RB1: variants seen among roughly 807,000 people sequenced by gnomAD.
RB1 encodes RB transcriptional corepressor 1, also known as retinoblastoma-associated protein.
A neutral mutation model predicts 135.4 loss-of-function variants in RB1; 18 were observed. The observed-to-expected ratio is 0.13, with a 90% CI of 0.09 to 0.20. The LOEUF (loss-of-function observed/expected upper bound fraction) is 0.20, where lower values mean the gene tolerates loss of function less well. Ranked by LOEUF, RB1 falls within the 10% of genes least tolerant of loss-of-function variation. The pLI, the probability that RB1 is intolerant of heterozygous loss-of-function variation, is 1.00. For synonymous variants in RB1, 365 were observed against 373.2 expected, an observed-to-expected ratio of 0.98 and a Z score of 0.25; for missense variants, 868 against 1,110.0, an observed-to-expected ratio of 0.78 and a Z score of 3.10.
chr13:48,474,564 G>A (rs1482100353), intron 24 of RB1, among the ~76,000 whole-genome samples: 7 of 152,058 alleles, frequency 4.6e-5, no homozygotes, highest in African/African-American at 4.8e-5. Flanking sequence ...ATGTAAGCCC[G>A]ATATCCAAAT....
chr13:48,307,566 T>C (rs910033460), intron 2 of RB1, among the ~76,000 whole-genome samples, 160 bp downstream of exon 2: 1 of 151,966 alleles, frequency 6.6e-6, no homozygotes, highest in Non-Finnish European at 1.5e-5. Context: ...ACATTAAAAA[T>C]GTTTGAGGCC....
At chr13:48,452,470 A>G (rs971931583) in intron 17 of RB1, among the ~76,000 whole-genome samples, 1 of 151,908 alleles carries the variant, frequency 6.6e-6, no homozygotes, top group African/African-American at 2.4e-5. Flanking sequence ...ACGTTTTCCA[A>G]TTTATTGATA....
intron 11 of RB1, among the ~76,000 whole-genome samples, chr13:48,372,345 A>G (rs1433435121): frequency 1.3e-5 from 2 of 152,212 alleles, no homozygotes; most frequent in Non-Finnish European, 2.9e-5. Flanking sequence ...ACAGAAGCAT[A>G]TAGAAGCTGT....
chr13:48,309,279 A>G (rs1451736207), intron 2 of RB1, among the ~76,000 whole-genome samples: 4 of 152,222 alleles, frequency 2.6e-5, no homozygotes, highest in Admixed American at 2.0e-4. Flanking sequence ...TACTTTCTCA[A>G]CATAGTAGTA....
intron 8 of RB1, 104 bp downstream of exon 8, chr13:48,363,061 A>G: frequency 7.1e-7 from 1 of 1,404,184 alleles, no homozygotes; most frequent in Non-Finnish European, 9.8e-7. Context: ...TTTTTTTGTA[A>G]TTAGTGCTAA....
intron 2 of RB1, among the ~76,000 whole-genome samples, chr13:48,307,891 T>G (rs2138035646): frequency 6.6e-6 from 1 of 150,528 alleles, no homozygotes; most frequent in Middle Eastern, 3.4e-3. Flanking sequence ...AAAAAATTCC[T>G]CCATAAATGC....
rs576944879 is a variant in RB1, at chr13:48,445,895, G to A, written c.1696-7098G>A. ...CTAACATTTGAGGTAAAAAACATGG[G>A]GGAAAGGAGCAGATAACACATATTT... On this transcript the variant is annotated intron_variant, in intron 17 of 26. Transcript: ENST00000267163. Among the ~76,000 whole-genome samples, 8 of 152,222 alleles carry A rather than the reference G, an allele frequency of 5.3e-5. No individual in the cohort carries two copies. In the East Asian group the frequency reaches 1.5e-3, roughly 29 times the overall value.
rs930380524 is a variant in RB1, at chr13:48,400,634, TAA to T, written c.1695+19193_1695+19194del. Among the ~76,000 whole-genome samples the T allele has an allele frequency of 5.3e-5, 8 of 152,252 alleles. No individual in the cohort carries two copies. In the East Asian group the frequency reaches 1.3e-3, roughly 26 times the overall value. ...AACACTGCTATCCCTATTTTATAGA[TAA>T]AGAGACCTGAGGTCCAGAGATGTCA... On this transcript the variant is annotated intron_variant, in intron 17 of 26. Coordinates refer to ENST00000267163, the MANE Select transcript of RB1 (RefSeq NM_000321.3).
At chr13:48,328,024 G>A in intron 2 of RB1, 5 of 698,224 alleles carry the variant, frequency 7.2e-6, no homozygotes, top group Non-Finnish European at 1.3e-5. Flanking sequence ...CTTAAAAAAA[G>A]GAAACTGTTC....
chr13:48,340,943 C>T (rs1049551084), intron 2 of RB1: 3 of 152,248 alleles, frequency 2.0e-5, no homozygotes, highest in Non-Finnish European at 4.4e-5. Flanking sequence ...AATTTACATA[C>T]ACAAAATATG....
intron 2 of RB1, among the ~76,000 whole-genome samples, chr13:48,331,273 C>T (rs1952334182): frequency 6.6e-6 from 1 of 152,100 alleles, no homozygotes; most frequent in Admixed American, 6.5e-5. Context: ...GAAATCTAGC[C>T]AGAGATATTA....
intron 17 of RB1, among the ~76,000 whole-genome samples, chr13:48,436,017 T>C (rs1357585801): frequency 6.6e-6 from 1 of 152,138 alleles, no homozygotes; most frequent in Non-Finnish European, 1.5e-5. Context: ...AGAAATCTAT[T>C]GTAAATATAA....
chr13:48,326,809 G>C (rs1466437422), intron 2 of RB1, among the ~76,000 whole-genome samples: 1 of 151,602 alleles, frequency 6.6e-6, no homozygotes, highest in East Asian at 1.9e-4. Context: ...TTTTTATACT[G>C]TATTTTTTTT....
intron 17 of RB1, among the ~76,000 whole-genome samples, chr13:48,420,242 C>A (rs946337024): frequency 1.3e-5 from 2 of 152,164 alleles, no homozygotes; most frequent in African/African-American, 4.8e-5. Flanking sequence ...ATATGCAAAT[C>A]AATAAACGTA....
chr13:48,412,262 A>T, intron 17 of RB1: 1 of 1,614,150 alleles, frequency 6.2e-7, no homozygotes, highest in Non-Finnish European at 8.5e-7. Flanking sequence ...TAATCATGTA[A>T]GTTGTAGTTT....
chr13:48,390,707 T>C (rs1051196550), intron 17 of RB1, among the ~76,000 whole-genome samples: 1 of 152,212 alleles, frequency 6.6e-6, no homozygotes, highest in African/African-American at 2.4e-5. Flanking sequence ...CATTATAAAA[T>C]GACCCTCTCT....
chr13:48,367,250 T>C (rs1358108616), intron 9 of RB1, among the ~76,000 whole-genome samples: 2 of 152,192 alleles, frequency 1.3e-5, no homozygotes, highest in African/African-American at 4.8e-5. Context: ...TATCTTTGTC[T>C]ACATAAAATT....
chr13:48,441,905 T>C (rs964820694), intron 17 of RB1, among the ~76,000 whole-genome samples: 3 of 152,184 alleles, frequency 2.0e-5, no homozygotes, highest in African/African-American at 7.2e-5. Flanking sequence ...TATTCACTTG[T>C]TTTTAACTTA....
chr13:48,450,565 C>G (rs574564848), intron 17 of RB1, among the ~76,000 whole-genome samples: 42 of 152,074 alleles, frequency 2.8e-4, no homozygotes, highest in Non-Finnish European at 5.6e-4. Flanking sequence ...GTTACTGTAG[C>G]CTTGTAGTAT....
Sources: allele counts gnomAD v4.1 joint callset (sites outside exome capture counted in the v4.1 genomes callset), GRCh38; gene constraint gnomAD v4.1.1; transcripts MANE v1.5; gene names NCBI Gene and HGNC (gene_info 2026-07-23, HGNC 2026-07-21).